The following MAPK14 variants were observed in gnomAD, a reference collection of about 807,000 sequenced individuals.
The protein encoded by MAPK14 is mitogen-activated protein kinase 14.
A neutral mutation model predicts 49.6 loss-of-function variants in MAPK14; 16 were observed. The ratio of observed to expected loss-of-function variants is 0.32; its 90% confidence interval spans 0.22 to 0.49. The LOEUF (loss-of-function observed/expected upper bound fraction) is 0.49, where lower values mean the gene tolerates loss of function less well. Among genes scored for constraint, MAPK14 ranks in the 20% least tolerant of loss-of-function variants. The pLI is 0.99. For missense variants in MAPK14, 200 were observed against 441.2 expected, an observed-to-expected ratio of 0.45 and a Z score of 4.90; for synonymous variants, 142 against 158.0, an observed-to-expected ratio of 0.90 and a Z score of 0.76.
chr6:36,062,390 T>C (rs992419572), intron 3 of MAPK14, among the ~76,000 whole-genome samples: 21 of 152,208 alleles, frequency 1.4e-4, no homozygotes, highest in Admixed American at 1.2e-3. Flanking sequence ...AGAACATAAA[T>C]GAGGTTCAGT....
At position 36,051,644 on chromosome 6, in the gene MAPK14, G is replaced by A. The variant is rs1763403077; in HGVS notation, c.117-1055G>A. Among the ~76,000 whole-genome samples the A allele has an allele frequency of 2.0e-5, 3 of 152,286 alleles. 1 individual carries two copies. The South Asian group carries it at 6.2e-4, about 32-fold the overall frequency. ...CTCTTCTGAGAGATAGCAGAGTCAA[G>A]TGGTCAGTAGCATAAGCTCTGGATC... On this transcript the variant is annotated intron_variant, in intron 1 of 11. Transcript: ENST00000229794.
intron 9 of MAPK14, chr6:36,096,346 G>T (rs957847471): frequency 3.1e-6 from 1 of 322,440 alleles, no homozygotes; most frequent in African/African-American, 2.1e-5. Context: ...TGAGATTTGA[G>T]ATTCTAATTC....
intron 6 of MAPK14, 37 bp from the exon 7 acceptor site, chr6:36,075,811 G>A: frequency 6.2e-7 from 1 of 1,612,410 alleles, no homozygotes; most frequent in Non-Finnish European, 8.5e-7. Flanking sequence ...CTGTTTCTAA[G>A]TCTTAGCAGT....
chr6:36,067,177 T>A (rs1016877213), intron 3 of MAPK14, among the ~76,000 whole-genome samples: 30 of 152,286 alleles, frequency 2.0e-4, no homozygotes, highest in African/African-American at 7.0e-4. Context: ...TTGCCTGACA[T>A]GATCAATAAG....
the MAPK14 span, among the ~76,000 whole-genome samples, chr6:36,121,994 A>G: frequency 6.6e-6 from 1 of 152,238 alleles, no homozygotes; most frequent in Non-Finnish European, 1.5e-5. Flanking sequence ...TGCTCTTTCC[A>G]TGTTTATTAA....
intron 10 of MAPK14, among the ~76,000 whole-genome samples, chr6:36,103,326 T>C (rs894808592): frequency 1.3e-4 from 19 of 150,376 alleles, no homozygotes; most frequent in African/African-American, 4.4e-4. Context: ...ATTATTATTA[T>C]TTATTTATTT....
the MAPK14 span, among the ~76,000 whole-genome samples, chr6:36,124,174 T>TCCTTCCTG: frequency 5.4e-5 from 7 of 130,108 alleles, no homozygotes; most frequent in Non-Finnish European, 6.5e-5. Context: ...CTTCCTTCCT[T>TCCTTCCTG]CCTGCCTTCC....
At chr6:36,074,026 T>G (rs1372824051) in intron 5 of MAPK14, 23 bp from the exon 6 acceptor site, 1 of 1,585,944 alleles carries the variant, frequency 6.3e-7, no homozygotes, top group Non-Finnish European at 8.7e-7. Context: ...GTTGATCCTG[T>G]CTTCCCTGTA....
chr6:36,076,068 C>A, intron 7 of MAPK14, 106 bp downstream of exon 7: 1 of 1,179,798 alleles, frequency 8.5e-7, no homozygotes, highest in Non-Finnish European at 1.2e-6. Context: ...GTCTTTTCTT[C>A]CCTCAGTGAT....
chr6:36,045,286 A>G (rs1763129166), intron 1 of MAPK14, among the ~76,000 whole-genome samples: 1 of 152,194 alleles, frequency 6.6e-6, no homozygotes, highest in Admixed American at 6.5e-5. Context: ...AAAGATGTTG[A>G]TTAGGACATT....
chr6:36,075,159 G>C (rs896394953), intron 6 of MAPK14, among the ~76,000 whole-genome samples: 4 of 145,298 alleles, frequency 2.8e-5, no homozygotes, highest in Middle Eastern at 3.4e-3. Context: ...CTGGGAGGCA[G>C]AGCTTGCAGT....
chr6:36,100,369 C>T, intron 9 of MAPK14: 2 of 891,470 alleles, frequency 2.2e-6, no homozygotes, highest in Middle Eastern at 2.2e-4. Flanking sequence ...TGGATGCTTG[C>T]ATGTGCCTTG....
intron 1 of MAPK14, among the ~76,000 whole-genome samples, chr6:36,039,008 C>T (rs1361043225): frequency 6.6e-6 from 1 of 152,096 alleles, no homozygotes; most frequent in Non-Finnish European, 1.5e-5. Flanking sequence ...GCCTTTTCCC[C>T]ATTATAATAC....
intron 9 of MAPK14, chr6:36,100,343 C>A: frequency 9.7e-7 from 1 of 1,033,586 alleles, no homozygotes; most frequent in Non-Finnish European, 1.5e-6. Context: ...GTATAACCAA[C>A]AGTTCTTAAC....
intron 3 of MAPK14, among the ~76,000 whole-genome samples, chr6:36,062,493 A>C (rs1014453950): frequency 6.6e-6 from 1 of 152,030 alleles, no homozygotes; most frequent in South Asian, 2.1e-4. Flanking sequence ...CAAGTAAACA[A>C]ACGAAAACCT....
chr6:36,030,214 C>A (rs919894163), intron 1 of MAPK14, among the ~76,000 whole-genome samples: 4 of 152,054 alleles, frequency 2.6e-5, no homozygotes, highest in African/African-American at 9.7e-5. Flanking sequence ...TAGCTCTGCA[C>A]TGGAACAGGA....
Position 36,066,893 on chromosome 6 carries a change from A to G in MAPK14, c.306-5980A>G, listed in dbSNP as rs146966493. ...GGTTATTTCCTAATTTAGCTAATAA[A>G]CATGGTAGTTTTGGAAATAATGCTG... On this transcript the variant is annotated intron_variant, in intron 3 of 11. Transcript: ENST00000229794. Among the ~76,000 whole-genome samples the G allele has an allele frequency of 5.4e-3, 815 of 152,288 alleles. 9 individuals carry two copies. The highest frequency in any genetic ancestry group is 0.018 in the African/African-American group (762 of 41,574).
intron 5 of MAPK14, 97 bp downstream of exon 5, chr6:36,073,817 G>A: frequency 7.7e-7 from 1 of 1,296,624 alleles, no homozygotes; most frequent in Non-Finnish European, 1.1e-6. Flanking sequence ...TTTAGCCATT[G>A]AAATGTTGAT....
chr6:36,048,868 G>A (rs1305574918), intron 1 of MAPK14, among the ~76,000 whole-genome samples: 1 of 152,140 alleles, frequency 6.6e-6, no homozygotes, highest in African/African-American at 2.4e-5. Flanking sequence ...TATATAGATG[G>A]CATTTAATTT....
Sources: allele counts gnomAD v4.1 joint callset (sites outside exome capture counted in the v4.1 genomes callset), GRCh38; gene constraint gnomAD v4.1.1; transcripts MANE v1.5; gene names NCBI Gene and HGNC (gene_info 2026-07-23, HGNC 2026-07-21).